Variants in KRIT1 observed in about 807,000 individuals in gnomAD.
KRIT1 encodes the protein KRIT1 ankyrin repeat containing.
KRIT1 carries 45 observed loss-of-function variants against 95.8 expected under a neutral mutation model. The observed-to-expected ratio is 0.47, with a 90% confidence interval of 0.37 to 0.60. The LOEUF (loss-of-function observed/expected upper bound fraction) is 0.60, where lower values mean the gene tolerates loss of function less well. KRIT1 is among the 20% of genes least tolerant of loss of function. The pLI, the probability that KRIT1 is intolerant of heterozygous loss-of-function variation, is 0.00. For missense variants in KRIT1, 788 were observed against 877.5 expected (o/e 0.90, Z 1.29); for synonymous variants, 282 against 278.8 (o/e 1.01, Z -0.11).
Position 92,200,666 on chromosome 7 carries a change from A to C in KRIT1, c.*70T>G. On this transcript the variant is annotated 3_prime_UTR_variant, in exon 19 of 19. Coordinates refer to ENST00000394505, the MANE Select transcript of KRIT1 (RefSeq NM_194454.3). ...CATGCTCGGCCAAAAGTAATATTTT[A>C]AGAAATCTTTCACGGAAAAAAAACT... 1 of 1,044,614 alleles carries C rather than the reference A, an allele frequency of 9.6e-7. No homozygotes were observed. The highest frequency in any genetic ancestry group is 1.3e-5 in the South Asian group (1 of 78,132). The allele number at this position is 1,044,614 out of a possible 1,614,324, so 64.7% of individuals were successfully genotyped here. A position where few individuals can be genotyped will look rare whatever the true frequency, so the allele number is the denominator to read the frequency against.
chr7:92,218,208 C>G (rs1023665387), intron 14 of KRIT1, among the ~76,000 whole-genome samples: 1 of 151,628 alleles, frequency 6.6e-6, no homozygotes, highest in Admixed American at 6.6e-5. Context: ...TGTGCCACCA[C>G]GCCAGGCTAT....
intron 10 of KRIT1, among the ~76,000 whole-genome samples, chr7:92,231,074 A>G (rs1797185741): frequency 6.6e-6 from 1 of 152,212 alleles, no homozygotes; most frequent in African/African-American, 2.4e-5. Context: ...AAGTACTATC[A>G]GAGAAAGAAG....
At chr7:92,242,189 T>C in intron 3 of KRIT1, 52 bp from the exon 4 acceptor site, 2 of 1,013,244 alleles carry the variant, frequency 2.0e-6, no homozygotes, top group Non-Finnish European at 1.6e-6. Context: ...ACACATTTGA[T>C]GGCAAGATAA....
At chr7:92,202,337 CA>C (rs1790367083) in intron 17 of KRIT1, 1 of 152,124 alleles carries the variant, frequency 6.6e-6, no homozygotes, top group Non-Finnish European at 1.5e-5. Context: ...GACCAGCCAA[CA>C]ACAGAACTAT....
chr7:92,226,781 C>T (rs1796292145), intron 10 of KRIT1, 99 bp from the exon 11 acceptor site: 1 of 1,055,036 alleles, frequency 9.5e-7, no homozygotes. Flanking sequence ...TAGATGATAT[C>T]TCAAAGAAAT....
intron 10 of KRIT1, among the ~76,000 whole-genome samples, chr7:92,232,000 C>G (rs1169827504): frequency 6.6e-6 from 1 of 152,120 alleles, no homozygotes; most frequent in Non-Finnish European, 1.5e-5. Flanking sequence ...GGTGGGATCT[C>G]AGTACACTGC....
intron 17 of KRIT1, among the ~76,000 whole-genome samples, chr7:92,211,632 A>G (rs975724701): frequency 1.3e-5 from 2 of 152,206 alleles, no homozygotes; most frequent in African/African-American, 2.4e-5. Flanking sequence ...AATTTATTGT[A>G]TATTTCAAAA....
rs150909665 is a variant in KRIT1, at chr7:92,212,579, AAGG to A, written c.2025+613_2025+615del. ...CATTCTTTCTGCCATATGAGGCTAC[AAGG>A]AGATGTCAGCAGTCTCCAACCCAGA... On this transcript the variant is annotated intron_variant, in intron 17 of 18. Transcript: ENST00000394505. Among the ~76,000 whole-genome samples, 327 of 152,326 alleles carry A rather than the reference AAGG, an allele frequency of 2.1e-3. 1 individual carries two copies. Among genetic ancestry groups the A allele is most frequent in the Non-Finnish European group, 3.9e-3 (265 of 68,028 alleles).
At chr7:92,243,722 T>C (rs1026167889) in intron 3 of KRIT1, among the ~76,000 whole-genome samples, 1 of 152,148 alleles carries the variant, frequency 6.6e-6, no homozygotes. Context: ...ACATAAACTT[T>C]AGCCTAAGAT....
intron 10 of KRIT1, among the ~76,000 whole-genome samples, chr7:92,230,949 C>CAATT (rs1252438958): frequency 6.6e-6 from 1 of 152,032 alleles, no homozygotes; most frequent in African/African-American, 2.4e-5. Flanking sequence ...CTGAATGAAA[C>CAATT]AAAGAGTACA....
In KRIT1 at chr7:92,235,453, T is replaced by C; in HGVS notation, c.679A>G (p.Thr227Ala). The C allele has an allele frequency of 1.9e-6, 3 of 1,613,652 alleles. No homozygotes were observed. Among genetic ancestry groups the C allele is most frequent in the East Asian group, 2.2e-5 (1 of 44,848 alleles). The change falls in exon 8 of 19, where the codon ACC becomes GCC. Residue 227 changes from threonine (T) to alanine (A), a missense_variant. By Grantham distance (58) the Thr-to-Ala change is moderately conservative (BLOSUM62 0). Transcript: ENST00000394505. ...SKMLALEKADTCIYNPLFGSD... is the reference protein window; with the variant it reads ...SKMLALEKADACIYNPLFGSD... ...CCAAACAAAGGGTTGTAAATACAGG[T>C]ATCTGCTTTCTCTAGGGCTAACATT...
intron 11 of KRIT1, among the ~76,000 whole-genome samples, chr7:92,226,141 T>C (rs992235533): frequency 2.0e-5 from 3 of 152,178 alleles, no homozygotes; most frequent in African/African-American, 7.2e-5. Context: ...TTCTGGAAAA[T>C]CTTTTTCCTT....
chr7:92,236,655 T>C lies in KRIT1; in HGVS notation c.356-113A>G. ...AACTTGTTAAGTATAAAATAAATTG[T>C]TCTAGATTTGGAATTAGAAGGCCTG... On this transcript the variant is annotated intron_variant, in intron 6 of 18. Transcript: ENST00000394505. 3.9e-6 allele frequency: 3 copies of C among 764,964 alleles called. No homozygotes were observed. In the South Asian group the frequency reaches 4.7e-5, roughly 12 times the overall value. The allele number at this position is 764,964 out of a possible 1,614,324, so 47.4% of individuals were successfully genotyped here.
chr7:92,207,527 C>G (rs1164280196), intron 17 of KRIT1, among the ~76,000 whole-genome samples: 1 of 152,004 alleles, frequency 6.6e-6, no homozygotes, highest in Non-Finnish European at 1.5e-5. Context: ...AATAAATTAA[C>G]AAAAAAACAC....
In KRIT1 at chr7:92,209,564, A is replaced by C. The variant is rs548408994; in HGVS notation, c.2025+3631T>G. On this transcript the variant is annotated intron_variant, in intron 17 of 18. Coordinates refer to ENST00000394505, the MANE Select transcript of KRIT1 (RefSeq NM_194454.3). ...TAAGTGGCATTTCTATACACCGATA[A>C]TGAACCAGCTGAAAAAGAAATCAAG... 4.6e-5 allele frequency among the ~76,000 whole-genome samples: 7 copies of C among 152,322 alleles called. No individual in the cohort carries two copies. The South Asian group carries it at 1.2e-3, about 27-fold the overall frequency.
At chr7:92,233,463 G>A (rs1161465235) in intron 10 of KRIT1, among the ~76,000 whole-genome samples, 1 of 151,176 alleles carries the variant, frequency 6.6e-6, no homozygotes, top group Non-Finnish European at 1.5e-5. Flanking sequence ...CTGGAGTGCG[G>A]TGGTGCAATC....
intron 13 of KRIT1, 105 bp downstream of exon 13, chr7:92,222,717 T>A (rs1795378830): frequency 2.7e-6 from 2 of 734,316 alleles, no homozygotes; most frequent in Non-Finnish European, 2.3e-6. Context: ...CATTGTATTA[T>A]TTCAAAATTT....
chr7:92,237,366 A>G (rs1310884346), intron 6 of KRIT1, among the ~76,000 whole-genome samples: 1 of 152,086 alleles, frequency 6.6e-6, no homozygotes, highest in Non-Finnish European at 1.5e-5. Context: ...TATCTATGGC[A>G]TATCTTTAGA....
At chr7:92,219,079 C>T (rs929420014) in intron 14 of KRIT1, among the ~76,000 whole-genome samples, 2 of 152,144 alleles carry the variant, frequency 1.3e-5, no homozygotes, top group Admixed American at 6.5e-5. Context: ...TGGCTCACTG[C>T]CCCCTCCACC....
Sources: allele counts gnomAD v4.1 joint callset (sites outside exome capture counted in the v4.1 genomes callset), GRCh38; gene constraint gnomAD v4.1.1; transcripts MANE v1.5; gene names NCBI Gene and HGNC (gene_info 2026-07-23, HGNC 2026-07-21).